ADAM23: variants seen among roughly 807,000 people sequenced by gnomAD.
ADAM23 encodes the protein disintegrin and metalloproteinase domain-containing protein 23.
Under a neutral mutation model 120.1 loss-of-function variants are expected in ADAM23, and 33 were observed. That is an observed-to-expected ratio of 0.27 (90% CI 0.21 to 0.37). The LOEUF (loss-of-function observed/expected upper bound fraction) is 0.37, where lower values mean the gene tolerates loss of function less well. Ranked by LOEUF, ADAM23 falls within the 10% of genes least tolerant of loss-of-function variation. The probability of loss-of-function intolerance (pLI) is 1.00; values close to 1 mark genes in which losing one functional copy is unlikely to be tolerated. For missense variants in ADAM23, 862 were observed against 1,058.2 expected (o/e 0.81, Z 2.57); for synonymous variants, 367 against 375.2 (o/e 0.98, Z 0.25).
intron 2 of ADAM23, among the ~76,000 whole-genome samples, chr2:206,452,988 T>G (rs1695228386): frequency 6.6e-6 from 1 of 152,230 alleles, no homozygotes; most frequent in African/African-American, 2.4e-5. Context: ...TATGGAACAC[T>G]TATTTCATCA....
rs76748747 is a variant in ADAM23 at position 206,508,970 on chromosome 2, A to G, written c.510-21915A>G. ...GGATTCATTAAAATGGCAGCTTGTC[A>G]TGATGAAGCAATGAATATCCCAAGT... On this transcript the variant is annotated intron_variant, in intron 3 of 25. Transcript: ENST00000264377. Among the ~76,000 whole-genome samples the G allele has an allele frequency of 1.1e-4, 17 of 152,370 alleles. No individual in the cohort carries two copies. In the East Asian group the frequency reaches 2.7e-3, roughly 24 times the overall value.
intron 4 of ADAM23, among the ~76,000 whole-genome samples, chr2:206,533,515 AT>A (rs1292221020): frequency 3.3e-5 from 5 of 152,176 alleles, no homozygotes; most frequent in Non-Finnish European, 7.3e-5. Flanking sequence ...AAGATCTCAA[AT>A]TGTTTAGAGA....
chr2:206,497,685 T>G (rs1283691997), intron 3 of ADAM23, among the ~76,000 whole-genome samples: 1 of 152,156 alleles, frequency 6.6e-6, no homozygotes, highest in Admixed American at 6.5e-5. Flanking sequence ...ATAAAGGGCA[T>G]TCAATTAGGA....
chr2:206,496,358 C>A (rs1189677827), intron 3 of ADAM23, among the ~76,000 whole-genome samples: 1 of 151,998 alleles, frequency 6.6e-6, no homozygotes, highest in Non-Finnish European at 1.5e-5. Context: ...CACTCAAAAC[C>A]GCTCAACTAC....
chr2:206,580,603 G>A (rs972703900), intron 18 of ADAM23, among the ~76,000 whole-genome samples: 44 of 152,122 alleles, frequency 2.9e-4, no homozygotes, highest in African/African-American at 1.1e-3. Flanking sequence ...TTGATATGTT[G>A]TTGGATTCAG....
chr2:206,499,628 TTAAAG>T (rs1184487782), intron 3 of ADAM23, among the ~76,000 whole-genome samples: 4 of 151,866 alleles, frequency 2.6e-5, no homozygotes, highest in African/African-American at 9.7e-5. Flanking sequence ...ACCCTAAAAC[TTAAAG>T]TATAATAATA....
At position 206,517,052 on chromosome 2, in the gene ADAM23, A is replaced by G. The variant is rs887662924; in HGVS notation, c.510-13833A>G. ...AATAATAGTAAGCTTGCTAAAATAA[A>G]AAAACACGCTCGTACACACAACACA... On this transcript the variant is annotated intron_variant, in intron 3 of 25. Transcript: ENST00000264377. Among the ~76,000 whole-genome samples, 3 of 152,158 alleles carry G rather than the reference A, an allele frequency of 2.0e-5. No homozygotes were observed. The South Asian group carries it at 6.2e-4, about 32-fold the overall frequency.
intron 4 of ADAM23, 45 bp downstream of exon 4, chr2:206,530,993 A>G (rs373397408): frequency 6.4e-7 from 1 of 1,550,440 alleles, no homozygotes; most frequent in Non-Finnish European, 8.9e-7. Flanking sequence ...AAGTGTGCTT[A>G]TCATAGAGTT....
At chr2:206,468,066 C>G (rs1368577003) in intron 2 of ADAM23, among the ~76,000 whole-genome samples, 1 of 152,156 alleles carries the variant, frequency 6.6e-6, no homozygotes, top group Non-Finnish European at 1.5e-5. Context: ...TGAAACAATT[C>G]AATTCTTCCC....
intron 3 of ADAM23, among the ~76,000 whole-genome samples, chr2:206,507,291 T>C (rs1222377342): frequency 1.3e-5 from 2 of 152,060 alleles, no homozygotes. Context: ...TGGGAGGTGA[T>C]TGGAGCATGG....
intron 3 of ADAM23, among the ~76,000 whole-genome samples, chr2:206,496,796 A>G (rs1388248127): frequency 1.9e-4 from 29 of 152,152 alleles, no homozygotes; most frequent in Non-Finnish European, 2.2e-4. Context: ...TCAAATAGAC[A>G]CAATAAAAAA....
intron 18 of ADAM23, among the ~76,000 whole-genome samples, chr2:206,574,626 T>A (rs1013441230): frequency 8.5e-5 from 13 of 152,262 alleles, no homozygotes; most frequent in Non-Finnish European, 1.6e-4. Flanking sequence ...GGATGCCCAA[T>A]GTAGAAAATA....
At chr2:206,445,272 T>C in intron 1 of ADAM23, 35 bp from the exon 2 acceptor site, 1 of 1,484,130 alleles carries the variant, frequency 6.7e-7, no homozygotes, top group Non-Finnish European at 9.4e-7. Flanking sequence ...TGTATGTTTG[T>C]ATTTTCTGCT....
intron 2 of ADAM23, among the ~76,000 whole-genome samples, chr2:206,462,808 AGAG>A (rs1695453132): frequency 6.6e-6 from 1 of 152,136 alleles, no homozygotes; most frequent in African/African-American, 2.4e-5. Flanking sequence ...AGAAGGGGCC[AGAG>A]GAGGAAGAGT....
At chr2:206,580,252 T>C (rs1017706525) in intron 18 of ADAM23, among the ~76,000 whole-genome samples, 12 of 152,208 alleles carry the variant, frequency 7.9e-5, no homozygotes, top group African/African-American at 2.7e-4. Flanking sequence ...TTCAGTACTA[T>C]GTTGAAGAAG....
chr2:206,443,862 G>A lies in ADAM23; in HGVS notation c.-5G>A. ...ACACGGAGCGGCGCCCGGGAGCTAT[G>A]AGCCATGAAGCCGCCCGGCAGCAGC... On this transcript the variant is annotated 5_prime_UTR_variant, in exon 1 of 26. An upstream start codon of the reference 5' UTR is lost. Coordinates refer to ENST00000264377, the MANE Select transcript of ADAM23 (RefSeq NM_003812.4). 1 of 1,132,068 alleles carries A rather than the reference G, an allele frequency of 8.8e-7. No individual in the cohort carries two copies. Among genetic ancestry groups the A allele is most frequent in the Non-Finnish European group, 1.1e-6 (1 of 926,410 alleles). The allele number at this position is 1,132,068 out of a possible 1,614,324, so 70.1% of individuals were successfully genotyped here.
chr2:206,557,089 G>GT (rs1308493041), intron 9 of ADAM23, among the ~76,000 whole-genome samples: 30 of 149,184 alleles, frequency 2.0e-4, no homozygotes, highest in South Asian at 1.3e-3. Flanking sequence ...AGGTTTTTTT[G>GT]TTTTTTTTTG....
At chr2:206,596,740 CT>C (rs1698533401) in intron 24 of ADAM23, among the ~76,000 whole-genome samples, 1 of 152,008 alleles carries the variant, frequency 6.6e-6, no homozygotes, top group Admixed American at 6.6e-5. Context: ...CAGGGGCCAC[CT>C]AGGACCACTC....
intron 3 of ADAM23, among the ~76,000 whole-genome samples, chr2:206,507,930 T>C (rs1696528677): frequency 6.6e-6 from 1 of 152,218 alleles, no homozygotes; most frequent in African/African-American, 2.4e-5. Context: ...TGCAGCCTGC[T>C]TGGGCTTCCC....
Sources: allele counts gnomAD v4.1 joint callset (sites outside exome capture counted in the v4.1 genomes callset), GRCh38; gene constraint gnomAD v4.1.1; transcripts MANE v1.5; gene names NCBI Gene and HGNC (gene_info 2026-07-23, HGNC 2026-07-21).